The following NKAIN3 variants were observed in gnomAD, a reference collection of about 807,000 sequenced individuals.
The protein encoded by NKAIN3 is sodium/potassium transporting ATPase interacting 3, also known as sodium/potassium-transporting ATPase subunit beta-1-interacting protein 3.
In NKAIN3, 25 loss-of-function variants were observed where a neutral mutation model predicts 30.2. The observed-to-expected ratio is 0.83, with a 90% CI of 0.60 to 1.16. The LOEUF (loss-of-function observed/expected upper bound fraction) is 1.16, where lower values mean the gene tolerates loss of function less well. Ranked by LOEUF, NKAIN3 falls within the 50% of genes most tolerant of loss-of-function variation. NKAIN3 has a pLI of 0.00. For missense variants in NKAIN3, 225 were observed against 254.1 expected, an observed-to-expected ratio of 0.89 and a Z score of 0.78; for synonymous variants, 91 against 89.6, an observed-to-expected ratio of 1.02 and a Z score of -0.09.
rs550337401 is a variant in NKAIN3 at position 62,968,253 on chromosome 8, A to G, written c.*2846A>G. On this transcript the variant is annotated 3_prime_UTR_variant, in exon 7 of 7. Coordinates refer to ENST00000623646, the MANE Select transcript of NKAIN3 (RefSeq NM_001304533.3). ...GAAAAAAAGAAGTGCAGAGTTGTAC[A>G]GTAATACTTGGCAATTACCCGTTAA... 7.2e-5 allele frequency among the ~76,000 whole-genome samples: 11 copies of G among 152,308 alleles called. No homozygotes were observed. The highest frequency in any genetic ancestry group is 2.6e-4 in the African/African-American group (11 of 41,576).
chr8:62,680,768 A>G (rs993867710), intron 3 of NKAIN3, among the ~76,000 whole-genome samples: 11 of 152,062 alleles, frequency 7.2e-5, no homozygotes, highest in African/African-American at 2.4e-4. Context: ...GCTTCACCAA[A>G]CTTTTATACT....
intron 1 of NKAIN3, among the ~76,000 whole-genome samples, chr8:62,412,252 G>T (rs2129595968): frequency 6.6e-6 from 1 of 151,760 alleles, no homozygotes; most frequent in Middle Eastern, 3.4e-3. Context: ...AGAAAATGCA[G>T]AAATAAAGCT....
chr8:62,696,863 T>C (rs569454265), intron 3 of NKAIN3, among the ~76,000 whole-genome samples: 4 of 152,300 alleles, frequency 2.6e-5, no homozygotes, highest in African/African-American at 9.6e-5. Flanking sequence ...TACTATCTGA[T>C]TGAAGCAAGG....
chr8:62,346,358 T>G (rs142014203), intron 1 of NKAIN3, among the ~76,000 whole-genome samples: 3,245 of 152,126 alleles, frequency 0.021, 64 homozygotes, highest in Non-Finnish European at 0.034. Flanking sequence ...ATGATGCCAA[T>G]TATAAGTAAA....
chr8:62,888,268 A>G (rs920334239), intron 4 of NKAIN3, among the ~76,000 whole-genome samples: 6 of 152,248 alleles, frequency 3.9e-5, no homozygotes, highest in African/African-American at 1.4e-4. Context: ...TGTTAAGAAC[A>G]GAATGCTCTG....
chr8:62,965,156 C>CTGA (rs1330282503), intron 6 of NKAIN3, among the ~76,000 whole-genome samples, 198 bp from the exon 7 acceptor site: 1 of 152,136 alleles, frequency 6.6e-6, no homozygotes, highest in East Asian at 1.9e-4. Flanking sequence ...ATCCTGAACT[C>CTGA]TGATGATGAT....
intron 4 of NKAIN3, among the ~76,000 whole-genome samples, chr8:62,886,141 A>T (rs1315795944): frequency 2.0e-5 from 3 of 151,218 alleles, no homozygotes; most frequent in African/African-American, 4.9e-5. Context: ...TTCTTATCAG[A>T]TCAATTATAC....
chr8:62,996,174 G>T (rs79775872), intron 5 of NKAIN3, among the ~76,000 whole-genome samples: 142 of 150,830 alleles, frequency 9.4e-4, no homozygotes, highest in African/African-American at 3.3e-3. Context: ...GAAAGTGGTT[G>T]AATTAACTCA....
intron 4 of NKAIN3, among the ~76,000 whole-genome samples, chr8:62,794,915 A>T (rs902796329): frequency 6.6e-6 from 1 of 151,972 alleles, no homozygotes; most frequent in African/African-American, 2.4e-5. Flanking sequence ...TAGCTTGTTC[A>T]TGCCAATATT....
chr8:62,470,478 G>A (rs1806294108), intron 1 of NKAIN3, among the ~76,000 whole-genome samples: 3 of 152,070 alleles, frequency 2.0e-5, no homozygotes, highest in African/African-American at 7.2e-5. Context: ...GAAAGAGTTT[G>A]TGGACATGTT....
chr8:62,252,138 T>G (rs908311061), intron 1 of NKAIN3, among the ~76,000 whole-genome samples: 1 of 147,962 alleles, frequency 6.8e-6, no homozygotes, highest in African/African-American at 2.5e-5. Context: ...AAACCAACTG[T>G]TTTTTTTTTG....
chr8:62,271,210 C>G (rs915210579), intron 1 of NKAIN3, among the ~76,000 whole-genome samples: 26 of 152,154 alleles, frequency 1.7e-4, no homozygotes, highest in African/African-American at 6.0e-4. Context: ...TTTACTGTGA[C>G]CCAAACTTTC....
intron 4 of NKAIN3, among the ~76,000 whole-genome samples, chr8:62,880,146 T>C (rs1380346448): frequency 1.3e-5 from 2 of 152,190 alleles, no homozygotes; most frequent in Non-Finnish European, 2.9e-5. Flanking sequence ...AGCTAGGTGT[T>C]ATTATTATTA....
chr8:62,815,911 G>T (rs1818662713), intron 4 of NKAIN3, among the ~76,000 whole-genome samples: 1 of 151,882 alleles, frequency 6.6e-6, no homozygotes, highest in African/African-American at 2.4e-5. Context: ...CTATCTCTTT[G>T]TTGAATTTTT....
At chr8:62,411,590 A>G (rs944903629) in intron 1 of NKAIN3, among the ~76,000 whole-genome samples, 2 of 152,238 alleles carry the variant, frequency 1.3e-5, no homozygotes, top group African/African-American at 4.8e-5. Flanking sequence ...AAAGGCATCG[A>G]AATAGGAAAA....
chr8:62,840,793 C>T lies in NKAIN3; in HGVS notation c.472-77660C>T, dbSNP rs2130759347. 1.3e-5 allele frequency among the ~76,000 whole-genome samples: 2 copies of T among 152,202 alleles called. 1 individual carries two copies. Among genetic ancestry groups the T allele is most frequent in the Admixed American group, 1.3e-4 (2 of 15,264 alleles). On this transcript the variant is annotated intron_variant, in intron 4 of 6. Coordinates refer to ENST00000623646, the MANE Select transcript of NKAIN3 (RefSeq NM_001304533.3). The stretch of plus-strand genomic sequence containing the variant: ...CTATGGCAAAGGAAGGGGAAAATGT[C>T]TCTATTGAATATATGGCCTACTGAG...
intron 1 of NKAIN3, among the ~76,000 whole-genome samples, chr8:62,446,779 T>C (rs1805498904): frequency 6.6e-6 from 1 of 152,072 alleles, no homozygotes; most frequent in Non-Finnish European, 1.5e-5. Flanking sequence ...TTGTAGAATG[T>C]GTCAGAATTT....
chr8:62,809,645 A>C (rs1418206227), intron 4 of NKAIN3, among the ~76,000 whole-genome samples: 1 of 152,226 alleles, frequency 6.6e-6, no homozygotes, highest in African/African-American at 2.4e-5. Flanking sequence ...TCTTATCAAA[A>C]TAATTCAAAT....
chr8:62,382,305 A>T (rs1000176618), intron 1 of NKAIN3, among the ~76,000 whole-genome samples: 3 of 152,188 alleles, frequency 2.0e-5, no homozygotes, highest in African/African-American at 7.2e-5. Context: ...TAAGTGGGTC[A>T]TAATAAAGGT....
Sources: allele counts gnomAD v4.1 joint callset (sites outside exome capture counted in the v4.1 genomes callset), GRCh38; gene constraint gnomAD v4.1.1; transcripts MANE v1.5; gene names NCBI Gene and HGNC (gene_info 2026-07-23, HGNC 2026-07-21).